Variants in SPECC1L observed in about 807,000 individuals in gnomAD.
SPECC1L encodes sperm antigen with calponin homology and coiled-coil domains 1 like.
Under a neutral mutation model 116.8 loss-of-function variants are expected in SPECC1L, and 40 were observed. The observed-to-expected ratio is 0.34, with a 90% CI of 0.27 to 0.45. SPECC1L has a LOEUF of 0.45. SPECC1L is among the 20% of genes least tolerant of loss of function. The pLI is 1.00. For synonymous variants in SPECC1L, 504 were observed against 500.6 expected (o/e 1.01, Z -0.09); for missense variants, 1,110 against 1,373.6 (o/e 0.81, Z 3.03).
rs182111653 is a variant in SPECC1L, at chr22:24,334,452, C to T, written c.2439C>T (p.Ala813=). The T allele has an allele frequency of 5.6e-6, 9 of 1,614,066 alleles. No individual in the cohort carries two copies. Among genetic ancestry groups the T allele is most frequent in the East Asian group, 4.5e-5 (2 of 44,878 alleles). The part of the protein sequence containing the change: ...ERGRVYNYMN[A]VERDLAALRQ... ...GCCGGGTATACAATTACATGAATGC[C>T]GTTGAGAGAGATTTGGCAGCCTTAA... is the stretch of plus-strand genomic sequence containing the variant. The change falls in exon 9 of 17, where the codon GCC becomes GCT. Residue 813 remains alanine, a synonymous_variant. Coordinates refer to ENST00000314328, the MANE Select transcript of SPECC1L (RefSeq NM_015330.6).
intron 11 of SPECC1L, among the ~76,000 whole-genome samples, chr22:24,358,115 GTTT>G (rs531551339): frequency 1.6e-5 from 2 of 128,772 alleles, no homozygotes; most frequent in African/African-American, 5.7e-5. Context: ...GTTTTTTTTG[GTTT>G]TTTTTTTTTT....
chr22:24,361,575 C>G (rs1466914932), intron 11 of SPECC1L, among the ~76,000 whole-genome samples: 2 of 151,948 alleles, frequency 1.3e-5, no homozygotes, highest in Non-Finnish European at 2.9e-5. Flanking sequence ...TCGCTTGAAC[C>G]CAGGAGGCTC....
At position 24,417,335 on chromosome 22, in the gene SPECC1L, C is replaced by G. The variant is rs2042819725; in HGVS notation, c.*2712C>G. The stretch of plus-strand genomic sequence containing the variant: ...ACCAGAACCCAGCTCCCTCCTGGGA[C>G]TGGCTGTGGAGAGAAGGGCACCTCT... On this transcript the variant is annotated 3_prime_UTR_variant, in exon 17 of 17. Transcript: ENST00000314328. 6.6e-6 allele frequency: 1 copy of G among 152,498 alleles called. No homozygotes were observed. The highest frequency in any genetic ancestry group is 2.4e-5 in the African/African-American group (1 of 41,468). 9.4% of individuals were successfully genotyped at this position (152,498 alleles called of 1,614,324 possible).
intron 14 of SPECC1L, among the ~76,000 whole-genome samples, chr22:24,387,017 T>C (rs1023866739): frequency 3.3e-5 from 5 of 152,100 alleles, no homozygotes; most frequent in African/African-American, 1.2e-4. Context: ...ACACCAAGTG[T>C]TGGCAAGGAA....
chr22:24,366,198 T>C (rs573482883), intron 13 of SPECC1L, among the ~76,000 whole-genome samples: 49 of 56,326 alleles, frequency 8.7e-4, no homozygotes, highest in African/African-American at 7.8e-3. Context: ...GATGGAACTT[T>C]TCTTTTTTTT....
chr22:24,294,616 C>T (rs1326025886), intron 2 of SPECC1L, among the ~76,000 whole-genome samples: 6 of 151,850 alleles, frequency 4.0e-5, no homozygotes, highest in African/African-American at 1.5e-4. Context: ...CTTCTGACCT[C>T]ACTTGATCCA....
At chr22:24,367,396 T>A (rs188877037) in intron 13 of SPECC1L, among the ~76,000 whole-genome samples, 158 of 152,308 alleles carry the variant, frequency 1.0e-3, no homozygotes, top group African/African-American at 3.7e-3. Context: ...CAACACAAAT[T>A]TGTAAACTTT....
At chr22:24,344,558 G>C (rs566254169) in intron 10 of SPECC1L, among the ~76,000 whole-genome samples, 1 of 146,974 alleles carries the variant, frequency 6.8e-6, no homozygotes, top group East Asian at 2.0e-4. Flanking sequence ...TCAGCATTTT[G>C]CTGGAGCTCT....
intron 2 of SPECC1L, among the ~76,000 whole-genome samples, chr22:24,279,101 G>T (rs2048892659): frequency 6.6e-6 from 1 of 152,176 alleles, no homozygotes; most frequent in African/African-American, 2.4e-5. Flanking sequence ...GCCCATTCAA[G>T]AGTCTTGTTT....
At chr22:24,303,370 G>A (rs187796542) in intron 3 of SPECC1L, among the ~76,000 whole-genome samples, 1 of 152,290 alleles carries the variant, frequency 6.6e-6, no homozygotes, top group Admixed American at 6.5e-5. Flanking sequence ...TCTGTGACCT[G>A]GAGGATGGTG....
chr22:24,305,020 G>T (rs911601301), intron 3 of SPECC1L, among the ~76,000 whole-genome samples: 6 of 152,162 alleles, frequency 3.9e-5, no homozygotes, highest in Admixed American at 3.3e-4. Context: ...TTACTGATGG[G>T]GGGTGTTTAT....
chr22:24,276,174 C>T (rs553039447), intron 1 of SPECC1L, among the ~76,000 whole-genome samples: 2 of 152,150 alleles, frequency 1.3e-5, no homozygotes, highest in East Asian at 1.9e-4. Flanking sequence ...GCCGAGAGTT[C>T]GAGACCAGCC....
Position 24,414,843 on chromosome 22 carries a change from A to C in SPECC1L, c.*220A>C. On this transcript the variant is annotated 3_prime_UTR_variant, in exon 17 of 17. Transcript: ENST00000314328. ...CCCACATGACCCGTCCATTCAGGTC[A>C]TGTGGGCTCAGCACACATCCTGCAG... 1 of 579,006 alleles carries C rather than the reference A, an allele frequency of 1.7e-6. No homozygotes were observed. 35.9% of individuals were successfully genotyped at this position (579,006 alleles called of 1,614,324 possible). A position where few individuals can be genotyped will look rare whatever the true frequency, so the allele number is the denominator to read the frequency against.
chr22:24,325,538 G>GATTTATTT lies in SPECC1L; in HGVS notation c.2146+1146_2146+1153dup, dbSNP rs56194800. Among the ~76,000 whole-genome samples, 988 of 146,778 alleles carry GATTTATTT rather than the reference G, an allele frequency of 6.7e-3. 8 individuals are homozygous for GATTTATTT. Among genetic ancestry groups the GATTTATTT allele is most frequent in the East Asian group, 0.026 (129 of 5,012 alleles). ...TGCCACTTTCCCTTTTACTTAAATGGATTTATTTATTTATTTATTTATTTA... is the reference window on the plus strand; with the variant it reads ...TGCCACTTTCCCTTTTACTTAAATGGATTTATTTATTTATTTATTTATTTATTTATTTA... On this transcript the variant is annotated intron_variant, in intron 6 of 16. Coordinates refer to ENST00000314328, the MANE Select transcript of SPECC1L (RefSeq NM_015330.6).
intron 2 of SPECC1L, among the ~76,000 whole-genome samples, chr22:24,294,476 G>A (rs532421766): frequency 6.6e-6 from 1 of 151,030 alleles, no homozygotes; most frequent in Admixed American, 6.6e-5. Flanking sequence ...CTGCCTCCCG[G>A]GTTCAAGCGA....
intron 2 of SPECC1L, among the ~76,000 whole-genome samples, chr22:24,294,459 G>A (rs2049219033): frequency 6.8e-6 from 1 of 147,718 alleles, no homozygotes; most frequent in African/African-American, 2.5e-5. Context: ...TCGGCTCATT[G>A]CAACCTCTGC....
At chr22:24,299,452 AG>A (rs2049332333) in intron 2 of SPECC1L, among the ~76,000 whole-genome samples, 1 of 152,106 alleles carries the variant, frequency 6.6e-6, no homozygotes, top group Admixed American at 6.6e-5. Context: ...AACGGTGAAC[AG>A]GGGGTATTTG....
intron 13 of SPECC1L, among the ~76,000 whole-genome samples, chr22:24,367,164 G>A (rs1261066439): frequency 6.6e-6 from 1 of 152,248 alleles, no homozygotes; most frequent in Non-Finnish European, 1.5e-5. Context: ...CTGCACTCCA[G>A]CCTGGGCTTC....
chr22:24,336,597 A>G (rs1257165192), intron 9 of SPECC1L, among the ~76,000 whole-genome samples: 1 of 152,172 alleles, frequency 6.6e-6, no homozygotes, highest in African/African-American at 2.4e-5. Context: ...TAAAATATAT[A>G]TATGCTTTGA....
Sources: gnomAD v4.1 joint callset for allele counts (sites outside exome capture counted in the v4.1 genomes callset) on GRCh38, gnomAD v4.1.1 for gene constraint, MANE v1.5 for transcripts, NCBI Gene and HGNC (gene_info 2026-07-23, HGNC 2026-07-21) for gene names.